The following MLIP variants were observed in gnomAD, a reference collection of about 807,000 sequenced individuals.
MLIP encodes muscular LMNA interacting protein, also known as muscular LMNA-interacting protein.
A neutral mutation model predicts 84.8 loss-of-function variants in MLIP; 79 were observed. That is an observed-to-expected ratio of 0.93 (90% confidence interval 0.78 to 1.12). The LOEUF (loss-of-function observed/expected upper bound fraction) is 1.12, where lower values mean the gene tolerates loss of function less well. Ranked by LOEUF, MLIP falls within the 50% of genes most tolerant of loss-of-function variation. The pLI is 0.00. For missense variants in MLIP, 1,257 were observed against 1,160.6 expected (o/e 1.08, Z -1.21); for synonymous variants, 504 against 463.0 (o/e 1.09, Z -1.14).
At chr6:54,111,191 G>C (rs540634270), upstream of MLIP, among the ~76,000 whole-genome samples, 2 of 152,296 alleles carry the variant, frequency 1.3e-5, no homozygotes, top group Non-Finnish European at 2.9e-5. Flanking sequence ...GAAAAGAAAA[G>C]AGGGAAAACA....
chr6:54,125,241 G>T (rs677434), intron 3 of MLIP, among the ~76,000 whole-genome samples: 1 of 151,994 alleles, frequency 6.6e-6, no homozygotes, highest in African/African-American at 2.4e-5. Context: ...TATTTCAGAC[G>T]TAAGAAAGAT....
At chr6:54,127,467 C>A (rs1260427695) in intron 3 of MLIP, among the ~76,000 whole-genome samples, 1 of 152,174 alleles carries the variant, frequency 6.6e-6, no homozygotes, top group Non-Finnish European at 1.5e-5. Context: ...GATATTGACA[C>A]CTTCATGAAG....
chr6:54,184,219 G>A (rs1457961783), intron 9 of MLIP, among the ~76,000 whole-genome samples: 2 of 152,094 alleles, frequency 1.3e-5, no homozygotes, highest in African/African-American at 2.4e-5. Flanking sequence ...GACAGTTAGA[G>A]TCAACAGAGA....
chr6:54,257,261 T>G (rs1359547748), intron 12 of MLIP, 47 bp from the exon 13 acceptor site: 3 of 1,343,240 alleles, frequency 2.2e-6, no homozygotes, highest in African/African-American at 2.9e-5. Context: ...ATTTATTTTT[T>G]TCTCACTTCT....
chr6:54,138,141 G>A lies in MLIP; in HGVS notation c.2072G>A (p.Arg691Lys), dbSNP rs1771981312. ...PHCGSGTLPS[R>K]LGKSESTTPN... ...TGCGGCAGTGGTACCTTGCCTTCAAGACTTGGGAAATCTGAAAGCACCACC... is the reference window on the plus strand; with the variant it reads ...TGCGGCAGTGGTACCTTGCCTTCAAAACTTGGGAAATCTGAAAGCACCACC... Residue 691 changes from arginine (R) to lysine (K), a missense_variant, in exon 4 of 14, where the codon AGA (arginine) becomes AAA (lysine). Coordinates refer to ENST00000502396, the MANE Select transcript of MLIP (RefSeq NM_001281747.2). The A allele has an allele frequency of 6.5e-7, 1 of 1,535,946 alleles. No homozygotes were observed. The highest frequency in any genetic ancestry group is 1.4e-5 in the African/African-American group (1 of 73,020).
chr6:54,091,154 A>C (rs548746958), intron 1 of MLIP, among the ~76,000 whole-genome samples: 3 of 151,950 alleles, frequency 2.0e-5, no homozygotes. Flanking sequence ...CCCTGGGGGG[A>C]AAAAATCACC....
intron 5 of MLIP, among the ~76,000 whole-genome samples, chr6:54,153,613 C>T (rs552092294): frequency 2.4e-4 from 37 of 151,940 alleles, no homozygotes; most frequent in African/African-American, 8.0e-4. Context: ...TTTAGGAGGC[C>T]GAGGAGGGTG....
chr6:54,215,016 T>A (rs1487493173), intron 11 of MLIP: 6 of 636,196 alleles, frequency 9.4e-6, no homozygotes, highest in South Asian at 6.3e-5. Context: ...CCCTCCCTCA[T>A]GTAGCTTAGA....
At chr6:54,188,096 A>G (rs191666630) in intron 9 of MLIP, among the ~76,000 whole-genome samples, 4 of 152,346 alleles carry the variant, frequency 2.6e-5, no homozygotes, top group Admixed American at 2.6e-4. Flanking sequence ...TGGTAAAAAT[A>G]CAGTGTAAAA....
At chr6:54,046,177 A>G (rs769752289) in intron 1 of MLIP, 21 of 152,160 alleles carry the variant, frequency 1.4e-4, no homozygotes, top group Middle Eastern at 3.4e-3. Context: ...CCAAGAGTCC[A>G]TTAAAATACC....
At chr6:54,146,748 T>C (rs996871746) in intron 4 of MLIP, among the ~76,000 whole-genome samples, 7 of 152,194 alleles carry the variant, frequency 4.6e-5, no homozygotes, top group African/African-American at 1.7e-4. Context: ...TAACAAGATA[T>C]GTCTCTGTAC....
At chr6:54,185,810 T>G (rs1777335512) in intron 9 of MLIP, among the ~76,000 whole-genome samples, 1 of 152,198 alleles carries the variant, frequency 6.6e-6, no homozygotes, top group South Asian at 2.1e-4. Context: ...AACCTAAGAT[T>G]TTAGAAGAAA....
rs150808327 is a variant in MLIP, at chr6:54,257,317, C to T, written c.2932C>T (p.Pro978Ser). 6 of 1,612,134 alleles carry T rather than the reference C, an allele frequency of 3.7e-6. No homozygotes were observed. In the African/African-American group the frequency reaches 8.0e-5, roughly 22 times the overall value. The change falls in exon 13 of 14, where the codon CCA (proline) becomes TCA (serine). Residue 978 changes from proline (P) to serine (S), a missense_variant. Coordinates refer to ENST00000502396, the MANE Select transcript of MLIP (RefSeq NM_001281747.2). ...SHNACNKLSH[P>S]MVAIPEHEAL... Reference sequence around the variant, plus strand: ...CATCTTTTCTGTGAAGCTGAGTCATCCAATGGTGGCTATTCCTGAACATGA... The same window carrying T: ...CATCTTTTCTGTGAAGCTGAGTCATTCAATGGTGGCTATTCCTGAACATGA...
intron 11 of MLIP, among the ~76,000 whole-genome samples, chr6:54,212,187 T>C (rs7759151): frequency 0.013 from 1,924 of 152,260 alleles, 31 homozygotes; most frequent in African/African-American, 0.042. Context: ...TCCAAGACAA[T>C]CAACTAAAAG....
chr6:54,112,202 T>C (rs1050302123), intron 1 of MLIP, among the ~76,000 whole-genome samples: 2 of 152,152 alleles, frequency 1.3e-5, no homozygotes, highest in African/African-American at 4.8e-5. Flanking sequence ...GTGTGGAAAA[T>C]GGTTTTTCAT....
rs892869647 is a variant in MLIP, at chr6:54,138,432, G to A, written c.2217+146G>A. ...AAGTGCAAGACGGTACCAGGACTTGGTATATTTGAATGTGTAAATGAATTA... is the reference window on the plus strand; with the variant it reads ...AAGTGCAAGACGGTACCAGGACTTGATATATTTGAATGTGTAAATGAATTA... On this transcript the variant is annotated intron_variant, in intron 4 of 13. Transcript: ENST00000502396. 17 of 871,672 alleles carry A rather than the reference G, an allele frequency of 2.0e-5. No individual in the cohort carries two copies. In the African/African-American group the frequency reaches 2.4e-4, roughly 12 times the overall value. 54.0% of individuals were successfully genotyped at this position (871,672 alleles called of 1,614,324 possible). A position where few individuals can be genotyped will look rare whatever the true frequency, so the allele number is the denominator to read the frequency against.
chr6:54,227,172 C>T (rs114874447), intron 11 of MLIP, among the ~76,000 whole-genome samples: 2 of 152,278 alleles, frequency 1.3e-5, no homozygotes, highest in African/African-American at 4.8e-5. Context: ...TGCCTCCCTT[C>T]GGCCATAATT....
rs1448581407 is a variant in MLIP at position 54,065,446 on chromosome 6, G to T, written c.63+46355G>T. 4.0e-5 allele frequency among the ~76,000 whole-genome samples: 4 copies of T among 100,650 alleles called. No individual in the cohort carries two copies. In the East Asian group the frequency reaches 1.1e-3, roughly 27 times the overall value. The allele number at this position is 100,650 out of a possible 152,430, so 66.0% of individuals were successfully genotyped here. On this transcript the variant is annotated intron_variant, in intron 1 of 12. Coordinates refer to the MLIP transcript ENST00000274897. ...AAATGTATAAAGGGATTTGCACCAA[G>T]GATAAATGTTAACTACATCATTATT...
rs770558685 is a variant in MLIP, at chr6:54,137,585, C to A, written c.1516C>A (p.Pro506Thr). The A allele has an allele frequency of 3.9e-6, 6 of 1,536,122 alleles. No individual in the cohort carries two copies. Among genetic ancestry groups the A allele is most frequent in the Non-Finnish European group, 4.4e-6 (5 of 1,146,900 alleles). The part of the protein sequence containing the change: ...FTKSTPLSQA[P>T]SLSPTKQASS... Reference sequence around the variant, plus strand: ...CAAGTCTACTCCGCTTTCTCAGGCGCCCTCCCTCTCTCCTACAAAACAGGC... The same window carrying A: ...CAAGTCTACTCCGCTTTCTCAGGCGACCTCCCTCTCTCCTACAAAACAGGC... Residue 506 changes from proline (P) to threonine (T), a missense_variant, in exon 4 of 14, where the codon CCC (proline) becomes ACC (threonine). Pro to Thr is a conservative substitution (Grantham distance 38). Coordinates refer to ENST00000502396, the MANE Select transcript of MLIP (RefSeq NM_001281747.2).
Sources: gnomAD v4.1 joint callset for allele counts (sites outside exome capture counted in the v4.1 genomes callset) on GRCh38, gnomAD v4.1.1 for gene constraint, MANE v1.5 for transcripts, NCBI Gene and HGNC (gene_info 2026-07-23, HGNC 2026-07-21) for gene names.